TENM2: variants seen among roughly 807,000 people sequenced by gnomAD.
The protein encoded by TENM2 is teneurin transmembrane protein 2.
TENM2 carries 52 observed loss-of-function variants against 245.2 expected under a neutral mutation model. The observed-to-expected ratio is 0.21, with a 90% CI of 0.17 to 0.27. The LOEUF (loss-of-function observed/expected upper bound fraction) is 0.27. Among genes scored for constraint, TENM2 ranks in the 10% least tolerant of loss-of-function variants. The probability of loss-of-function intolerance (pLI) is 1.00; values close to 1 mark genes in which losing one functional copy is unlikely to be tolerated. For synonymous variants in TENM2, 1,363 were observed against 1,438.9 expected, an observed-to-expected ratio of 0.95 and a Z score of 1.19; for missense variants, 3,046 against 3,666.8, an observed-to-expected ratio of 0.83 and a Z score of 4.37.
At chr5:167,960,451 G>A (rs1780916834) in intron 4 of TENM2, among the ~76,000 whole-genome samples, 1 of 152,176 alleles carries the variant, frequency 6.6e-6, no homozygotes, top group African/African-American at 2.4e-5. Context: ...GAGCTGTGGT[G>A]GGCTCTGCCC....
chr5:167,198,430 C>T, the TENM2 span, among the ~76,000 whole-genome samples: 2 of 152,046 alleles, frequency 1.3e-5, no homozygotes, highest in African/African-American at 4.8e-5. Context: ...CTAGGTGTGA[C>T]CCCTCTTTTT....
exon 29 of TENM2, chr5:168,262,849 GC>G (rs762989043): frequency 9.1e-6 from 14 of 1,531,604 alleles, no homozygotes; most frequent in Non-Finnish European, 8.8e-7. Flanking sequence ...GAATGGCTCA[GC>G]AGGAGTAACT....
intron 2 of TENM2, among the ~76,000 whole-genome samples, chr5:167,503,620 A>C (rs986921361): frequency 1.3e-5 from 2 of 152,168 alleles, no homozygotes; most frequent in Non-Finnish European, 2.9e-5. Context: ...TTGGCTGGGA[A>C]CGCTGGCTCA....
chr5:167,572,437 A>C (rs1300506120), intron 2 of TENM2, among the ~76,000 whole-genome samples: 3 of 152,214 alleles, frequency 2.0e-5, no homozygotes, highest in African/African-American at 4.8e-5. Flanking sequence ...TAAGTAGGGC[A>C]CATAGAATTT....
At chr5:167,680,662 C>G (rs1011447311) in intron 2 of TENM2, among the ~76,000 whole-genome samples, 1 of 152,080 alleles carries the variant, frequency 6.6e-6, no homozygotes, top group Non-Finnish European at 1.5e-5. Flanking sequence ...GACGGTGGCC[C>G]AGATTAGCAG....
At chr5:167,139,451 G>GT in the TENM2 span, among the ~76,000 whole-genome samples, 8 of 152,308 alleles carry the variant, frequency 5.3e-5, no homozygotes, top group East Asian at 1.5e-3. Flanking sequence ...TATTTTGGGC[G>GT]TAAGACCAAA....
In TENM2 at chr5:167,673,061, G is replaced by T. The variant is rs1009214974; in HGVS notation, c.503-202925G>T. Among the ~76,000 whole-genome samples, 4 of 152,064 alleles carry T rather than the reference G, an allele frequency of 2.6e-5. No individual in the cohort carries two copies. In the East Asian group the frequency reaches 7.7e-4, roughly 29 times the overall value. ...AAGATTCCAATATCTTTAAGGCTTT[G>T]TATAAAAAGCATTAAACAATCATGT... is the stretch of plus-strand genomic sequence containing the variant. On this transcript the variant is annotated intron_variant, in intron 2 of 28. Coordinates refer to ENST00000518659, the Ensembl canonical transcript of TENM2.
At chr5:168,262,378 G>T in exon 29 of TENM2, 2 of 1,600,064 alleles carry the variant, frequency 1.2e-6, no homozygotes, top group Non-Finnish European at 1.7e-6. Context: ...ATGGCGACCT[G>T]GTCACACTAG....
rs944736626 is a variant in TENM2 at position 168,198,298 on chromosome 5, C to A, written c.2901-555C>A. 1.9e-4 allele frequency among the ~76,000 whole-genome samples: 28 copies of A among 148,458 alleles called. 1 individual carries two copies. The highest frequency in any genetic ancestry group is 1.0e-4 in the Non-Finnish European group (7 of 67,746). ...GCAACCTCCACCTCCCAGGTTCAAG[C>A]AATTCTCCTGCCTTGGCCTCCTGAG... On this transcript the variant is annotated intron_variant, in intron 15 of 28. Transcript: ENST00000518659.
Position 168,068,961 on chromosome 5 carries a change from G to A in TENM2, c.1515+6696G>A, listed in dbSNP as rs138820927. On this transcript the variant is annotated intron_variant, in intron 7 of 28. Coordinates refer to ENST00000518659, the Ensembl canonical transcript of TENM2. ...CCTGTAATTCCAATCACTTTCTCAA[G>A]ATTCCATTTATATACTTTGTGTTTT... Among the ~76,000 whole-genome samples the A allele has an allele frequency of 2.3e-3, 343 of 151,998 alleles. 3 individuals carry two copies. The highest frequency in any genetic ancestry group is 7.8e-3 in the African/African-American group (325 of 41,466).
chr5:167,090,719 C>T, the TENM2 span, among the ~76,000 whole-genome samples: 26 of 152,146 alleles, frequency 1.7e-4, no homozygotes, highest in Admixed American at 1.7e-3. Flanking sequence ...TTGAAGCATT[C>T]ACAAGGGACA....
intron 1 of TENM2, among the ~76,000 whole-genome samples, chr5:167,357,530 GA>G (rs1405063613): frequency 2.0e-5 from 3 of 152,024 alleles, no homozygotes; most frequent in Non-Finnish European, 4.4e-5. Context: ...AAAGTGCTGG[GA>G]TTACAGATGT....
Position 168,218,246 on chromosome 5 carries a change from G to T in TENM2, c.4355G>T (p.Arg1452Leu). ...CACCAAGTCAGCATCATTGCGGGAC[G>T]CCCCATGCACTGCCAAGTTCCTGGC... Residue 1452 changes from arginine (R) to leucine (L), a missense_variant, in exon 23 of 29, where the codon CGC (arginine) becomes CTC (leucine). Physicochemically the swap from Arg to Leu is moderately radical, Grantham distance 102 (BLOSUM62 -2). Transcript: ENST00000518659. The surrounding 1 kb of genome is among the most constrained non-coding windows in gnomAD (Gnocchi z 5.2). 6.2e-7 allele frequency: 1 copy of T among 1,613,008 alleles called. No individual in the cohort carries two copies. Among genetic ancestry groups the T allele is most frequent in the Non-Finnish European group, 8.5e-7 (1 of 1,179,720 alleles).
At chr5:167,421,751 T>C (rs1301328168) in intron 2 of TENM2, among the ~76,000 whole-genome samples, 2 of 152,196 alleles carry the variant, frequency 1.3e-5, no homozygotes, top group Admixed American at 6.5e-5. Context: ...AGCTAGTATA[T>C]ACAAAATTCC....
intron 2 of TENM2, among the ~76,000 whole-genome samples, chr5:167,767,857 G>T (rs1487138543): frequency 6.6e-6 from 1 of 152,200 alleles, no homozygotes; most frequent in African/African-American, 2.4e-5. Context: ...ACTGGCAGAT[G>T]TGTTTAAGCT....
At chr5:167,687,725 A>G (rs140524564) in intron 2 of TENM2, among the ~76,000 whole-genome samples, 1 of 152,330 alleles carries the variant, frequency 6.6e-6, no homozygotes, top group East Asian at 1.9e-4. Flanking sequence ...AGAATTTGGT[A>G]CAGCAAAAGG....
intron 7 of TENM2, among the ~76,000 whole-genome samples, chr5:168,069,586 A>G (rs1055875187): frequency 5.9e-5 from 9 of 152,188 alleles, no homozygotes; most frequent in Non-Finnish European, 1.2e-4. Context: ...CATGTGCATT[A>G]TCTTGTTTTA....
At chr5:168,042,854 C>T (rs916164491) in intron 5 of TENM2, among the ~76,000 whole-genome samples, 10 of 152,172 alleles carry the variant, frequency 6.6e-5, no homozygotes, top group Non-Finnish European at 1.5e-5. Flanking sequence ...GTTTGGCTGC[C>T]TATTGTGTTT....
At chr5:167,619,350 G>A (rs796149239) in intron 2 of TENM2, among the ~76,000 whole-genome samples, 2 of 152,030 alleles carry the variant, frequency 1.3e-5, no homozygotes, top group Admixed American at 6.6e-5. Context: ...AGTGCACCAG[G>A]TTCCAGTCTT....
Sources: allele counts gnomAD v4.1 joint callset (sites outside exome capture counted in the v4.1 genomes callset), GRCh38; gene constraint gnomAD v4.1.1; non-coding constraint Gnocchi (gnomAD v3.1); transcripts MANE v1.5; gene names NCBI Gene and HGNC (gene_info 2026-07-23, HGNC 2026-07-21).